The following AHCTF1 variants were observed in gnomAD, a reference collection of about 807,000 sequenced individuals.
The protein encoded by AHCTF1 is protein ELYS.
AHCTF1 carries 24 observed loss-of-function variants against 248.4 expected under a neutral mutation model. The observed-to-expected ratio is 0.10, with a 90% CI of 0.07 to 0.14. The LOEUF is 0.14. Among genes scored for constraint, AHCTF1 ranks in the 10% least tolerant of loss-of-function variants. The pLI is 1.00. For synonymous variants in AHCTF1, 786 were observed against 929.8 expected, an observed-to-expected ratio of 0.85 and a Z score of 2.81; for missense variants, 2,206 against 2,636.2, an observed-to-expected ratio of 0.84 and a Z score of 3.57.
intron 34 of AHCTF1, 35 bp from the exon 35 acceptor site, chr1:246,842,811 A>C: frequency 6.4e-7 from 1 of 1,554,912 alleles, no homozygotes; most frequent in Non-Finnish European, 8.9e-7. Flanking sequence ...TTAAGTATTA[A>C]ACACGAATCC....
At chr1:246,916,932 A>AC (rs1479092388) in intron 2 of AHCTF1, among the ~76,000 whole-genome samples, 1 of 152,216 alleles carries the variant, frequency 6.6e-6, no homozygotes, top group Non-Finnish European at 1.5e-5. Flanking sequence ...TAAAGAGTTC[A>AC]CAGTCCAATT....
rs200338789 is a variant in AHCTF1 at position 246,907,587 on chromosome 1, T to G, written c.728A>C (p.Tyr243Ser). ...NQLAVGFSDG[Y>S]LALWNMKSMK... ...GCTTTTCATGTTCCAAAGTGCTAGA[T>G]AGCCATCAGAAAAACCTACAGCAAG... Residue 243 changes from tyrosine (Y) to serine (S), a missense_variant, in exon 5 of 36, where the codon TAT (tyrosine) becomes TCT (serine). Tyr to Ser is a moderately radical substitution (Grantham distance 144, BLOSUM62 -2). Coordinates refer to ENST00000648844, the MANE Select transcript of AHCTF1 (RefSeq NM_001323342.2). 2.8e-5 allele frequency: 45 copies of G among 1,613,738 alleles called. No homozygotes were observed. In the African/African-American group the frequency reaches 5.5e-4, roughly 20 times the overall value.
chr1:246,867,953 T>G, intron 24 of AHCTF1, 142 bp from the exon 25 acceptor site: 2 of 262,152 alleles, frequency 7.6e-6, no homozygotes, highest in Non-Finnish European at 6.4e-6. Flanking sequence ...AAATTTTAAT[T>G]ATATATATAT....
intron 33 of AHCTF1, among the ~76,000 whole-genome samples, chr1:246,845,669 C>T (rs1182469685): frequency 6.6e-6 from 1 of 152,082 alleles, no homozygotes; most frequent in Non-Finnish European, 1.5e-5. Context: ...ACCATTTTTT[C>T]CATGTGCTTC....
chr1:246,904,712 A>C (rs1665260898), intron 6 of AHCTF1, among the ~76,000 whole-genome samples: 1 of 152,248 alleles, frequency 6.6e-6, no homozygotes, highest in African/African-American at 2.4e-5. Context: ...CGAAGCATGC[A>C]GTAAGTGTTA....
chr1:246,861,629 A>G (rs115153060), intron 28 of AHCTF1, among the ~76,000 whole-genome samples: 163 of 152,302 alleles, frequency 1.1e-3, no homozygotes, highest in African/African-American at 3.7e-3. Flanking sequence ...AAACAACACA[A>G]TATAAGGTAA....
chr1:246,901,018 C>T (rs1386286306), intron 8 of AHCTF1, among the ~76,000 whole-genome samples: 1 of 152,092 alleles, frequency 6.6e-6, no homozygotes, highest in Non-Finnish European at 1.5e-5. Context: ...TGAAACACTA[C>T]TATAAGGAAA....
At position 246,913,213 on chromosome 1, in the gene AHCTF1, C is replaced by A; in HGVS notation, c.556+19G>T. ...TATCCAGGTGCTCCATTTTTGGTTT[C>A]AAGTAAAGAACTGATTACCTGATGC... is the stretch of plus-strand genomic sequence containing the variant. On this transcript the variant is annotated intron_variant, in intron 4 of 35. Coordinates refer to ENST00000648844, the MANE Select transcript of AHCTF1 (RefSeq NM_001323342.2). 2 of 1,499,564 alleles carry A rather than the reference C, an allele frequency of 1.3e-6. No homozygotes were observed. The highest frequency in any genetic ancestry group is 2.0e-5 in the Admixed American group (1 of 49,060). The allele number at this position is 1,499,564 out of a possible 1,614,324, so 92.9% of individuals were successfully genotyped here. A position where few individuals can be genotyped will look rare whatever the true frequency, so the allele number is the denominator to read the frequency against.
intron 17 of AHCTF1, among the ~76,000 whole-genome samples, chr1:246,889,695 C>A (rs899475605): frequency 3.9e-5 from 6 of 152,192 alleles, no homozygotes; most frequent in African/African-American, 1.4e-4. Context: ...AATTTTGTCA[C>A]TGCAACTCGA....
chr1:246,921,172 C>A (rs542854914), intron 1 of AHCTF1, among the ~76,000 whole-genome samples: 1 of 151,876 alleles, frequency 6.6e-6, no homozygotes, highest in East Asian at 1.9e-4. Context: ...TAAAAAGACA[C>A]GCAGAACTAA....
rs538108525 is a variant in AHCTF1, at chr1:246,840,951, C to T, written c.6656G>A (p.Arg2219Gln). The change falls in exon 36 of 36, where the codon CGG becomes CAG. Residue 2219 changes from arginine (R) to glutamine (Q), a missense_variant. By Grantham distance (43) the Arg-to-Gln change is conservative. Around this residue, in one of 6 missense-constraint regions of AHCTF1, gnomAD observed 469 missense variants for 470.0 expected, o/e 1.00. Transcript: ENST00000648844. ...SAWSPPPIEI[R>Q]LISPLASPAD... ...TGGGCTAGCCAAGGGGGAAATCAGC[C>T]GAATTTCTATGGGAGGAGGTGACCA... The T allele has an allele frequency of 1.8e-4, 290 of 1,611,412 alleles. 3 individuals carry two copies. The South Asian group carries it at 2.8e-3, about 16-fold the overall frequency.
chr1:246,919,075 A>G (rs1334054992), intron 1 of AHCTF1, among the ~76,000 whole-genome samples: 1 of 152,202 alleles, frequency 6.6e-6, no homozygotes, highest in Non-Finnish European at 1.5e-5. Flanking sequence ...GACTACTCCC[A>G]TTATAAACAA....
At position 246,888,190 on chromosome 1, in the gene AHCTF1, G is replaced by C. The variant is rs182444981; in HGVS notation, c.2312C>G (p.Ala771Gly). The C allele has an allele frequency of 1.2e-6, 2 of 1,613,972 alleles. No homozygotes were observed. Among genetic ancestry groups the C allele is most frequent in the Non-Finnish European group, 1.7e-6 (2 of 1,179,926 alleles). ...MYLLDGVTEA[A>G]KHSITIYLLL... ...TTAAAAGGATACAATAGAGTGTTTG[G>C]CTGCTTCAGTAACGCCGTCTAATAG... Residue 771 changes from alanine to glycine, a missense_variant, in exon 19 of 36, where the codon GCC (alanine) becomes GGC (glycine). This residue lies in a region of AHCTF1 where 650 missense variants were observed against 870.8 expected (regional missense o/e 0.75). Coordinates refer to ENST00000648844, the MANE Select transcript of AHCTF1 (RefSeq NM_001323342.2).
At chr1:246,888,977 T>TA (rs1664017772) in intron 17 of AHCTF1, among the ~76,000 whole-genome samples, 1 of 152,110 alleles carries the variant, frequency 6.6e-6, no homozygotes, top group African/African-American at 2.4e-5. Flanking sequence ...CAAGGAGAGT[T>TA]AGTCGGATAA....
intron 24 of AHCTF1, among the ~76,000 whole-genome samples, chr1:246,869,058 A>T (rs572742989): frequency 6.6e-6 from 1 of 150,798 alleles, no homozygotes; most frequent in South Asian, 2.1e-4. Flanking sequence ...GTTGGCCAGG[A>T]TGGTCTCGAT....
intron 24 of AHCTF1, among the ~76,000 whole-genome samples, chr1:246,872,042 T>A: frequency 9.2e-6 from 1 of 108,656 alleles, no homozygotes. Flanking sequence ...AAAGATGAAC[T>A]ATTAATGACA....
intron 24 of AHCTF1, among the ~76,000 whole-genome samples, chr1:246,870,011 G>A (rs1025176904): frequency 2.1e-4 from 32 of 152,310 alleles, no homozygotes; most frequent in African/African-American, 6.5e-4. Flanking sequence ...TAATTCCTGG[G>A]AGGAGTCAAA....
rs1486736411 is a variant in AHCTF1, at chr1:246,853,077, T to G, written c.4563+14A>C. 1 of 1,596,398 alleles carries G rather than the reference T, an allele frequency of 6.3e-7. No homozygotes were observed. Among genetic ancestry groups the G allele is most frequent in the Admixed American group, 1.7e-5 (1 of 57,798 alleles). ...GAAAGACTGATAAAGAAGTAAAAAA[T>G]TAATTTTTTTTACATGAATTTCTTG... On this transcript the variant is annotated intron_variant, in intron 32 of 35. Transcript: ENST00000648844.
intron 12 of AHCTF1, 30 bp downstream of exon 12, chr1:246,898,178 A>C: frequency 6.2e-7 from 1 of 1,609,514 alleles, no homozygotes; most frequent in Non-Finnish European, 8.5e-7. Flanking sequence ...ATCCAACCAA[A>C]AGAAACAATA....
Sources: allele counts gnomAD v4.1 joint callset (sites outside exome capture counted in the v4.1 genomes callset), GRCh38; gene constraint gnomAD v4.1.1; regional missense constraint gnomAD v4.1.1; transcripts MANE v1.5; gene names NCBI Gene and HGNC (gene_info 2026-07-23, HGNC 2026-07-21).